MAGI3: variants seen among roughly 807,000 people sequenced by gnomAD.
MAGI3 encodes the protein membrane-associated guanylate kinase, WW and PDZ domain-containing protein 3.
A neutral mutation model predicts 121.8 loss-of-function variants in MAGI3; 43 were observed. The ratio of observed to expected loss-of-function variants is 0.35; its 90% CI spans 0.28 to 0.46. The LOEUF (loss-of-function observed/expected upper bound fraction) is 0.46, where lower values mean the gene tolerates loss of function less well. Ranked by LOEUF, MAGI3 falls within the 20% of genes least tolerant of loss-of-function variation. The pLI is 1.00. For missense variants in MAGI3, 1,547 were observed against 1,797.3 expected, an observed-to-expected ratio of 0.86 and a Z score of 2.52; for synonymous variants, 553 against 639.3, an observed-to-expected ratio of 0.86 and a Z score of 2.04.
chr1:113,460,200 G>T (rs1483531963), intron 1 of MAGI3, among the ~76,000 whole-genome samples: 2 of 152,112 alleles, frequency 1.3e-5, no homozygotes, highest in African/African-American at 4.8e-5. Flanking sequence ...ATGCAGAAAA[G>T]ACTTTTAATA....
At chr1:113,646,340 C>A in intron 11 of MAGI3, 146 bp from the exon 12 acceptor site, 1 of 577,524 alleles carries the variant, frequency 1.7e-6, no homozygotes, top group Non-Finnish European at 2.9e-6. Context: ...AAAATGAATT[C>A]CTGTAACTGT....
Position 113,449,700 on chromosome 1 carries a change from A to G in MAGI3, c.316+58351A>G, listed in dbSNP as rs61734693. 6.8e-3 allele frequency: 5,723 copies of G among 845,374 alleles called. 42 individuals are homozygous for G. The highest frequency in any genetic ancestry group is 7.4e-3 in the Non-Finnish European group (3,614 of 490,544). 52.4% of individuals were successfully genotyped at this position (845,374 alleles called of 1,614,324 possible). A position where few individuals can be genotyped will look rare whatever the true frequency, so the allele number is the denominator to read the frequency against. ...TGGAAGAGGCGAGTCTGGTCTCAAAATGGAGGGCCATGATCCAAAGGAACC... is the reference window on the plus strand; with the variant it reads ...TGGAAGAGGCGAGTCTGGTCTCAAAGTGGAGGGCCATGATCCAAAGGAACC... On this transcript the variant is annotated intron_variant, in intron 1 of 20. Coordinates refer to ENST00000307546, the MANE Select transcript of MAGI3 (RefSeq NM_001142782.2).
chr1:113,434,713 A>C (rs1239239887), intron 1 of MAGI3, among the ~76,000 whole-genome samples: 1 of 152,204 alleles, frequency 6.6e-6, no homozygotes, highest in Non-Finnish European at 1.5e-5. Context: ...GACAAGGATC[A>C]GTTTCTTATT....
chr1:113,463,441 T>C (rs538544431), intron 1 of MAGI3, among the ~76,000 whole-genome samples: 27 of 151,706 alleles, frequency 1.8e-4, no homozygotes, highest in Middle Eastern at 6.8e-3. Flanking sequence ...ACTTGGAGAA[T>C]AGTGTTTTAG....
chr1:113,506,421 T>G (rs949890693), intron 1 of MAGI3, among the ~76,000 whole-genome samples: 2 of 152,050 alleles, frequency 1.3e-5, no homozygotes, highest in Admixed American at 1.3e-4. Flanking sequence ...ATCCCTTTTT[T>G]TTTTTTTGCT....
chr1:113,448,842 G>A (rs1315468075), intron 1 of MAGI3, among the ~76,000 whole-genome samples: 3 of 152,066 alleles, frequency 2.0e-5, no homozygotes, highest in Non-Finnish European at 4.4e-5. Context: ...AAAAGAGGCC[G>A]GGCACAGTGG....
At chr1:113,481,980 A>G (rs539209874) in intron 1 of MAGI3, among the ~76,000 whole-genome samples, 11 of 151,848 alleles carry the variant, frequency 7.2e-5, no homozygotes, top group Admixed American at 7.2e-4. Flanking sequence ...CATCTCTTTC[A>G]ATATGATTGT....
chr1:113,446,057 T>G (rs1215158666), intron 1 of MAGI3, among the ~76,000 whole-genome samples: 1 of 152,238 alleles, frequency 6.6e-6, no homozygotes, highest in Non-Finnish European at 1.5e-5. Flanking sequence ...CTTCATGATT[T>G]AAGAGTAATA....
chr1:113,549,487 C>CTT, intron 1 of MAGI3, 28 bp from the exon 2 acceptor site: 4 of 1,156,848 alleles, frequency 3.5e-6, no homozygotes, highest in Non-Finnish European at 5.0e-6. Context: ...CATTTATTTT[C>CTT]TGTTTTTTTT....
intron 2 of MAGI3, among the ~76,000 whole-genome samples, chr1:113,570,521 G>T (rs553308051): frequency 8.5e-5 from 13 of 152,188 alleles, no homozygotes; most frequent in Admixed American, 8.5e-4. Context: ...GTGTAAAAAC[G>T]TTCCTATTTC....
rs1015544002 is a variant in MAGI3 at position 113,475,033 on chromosome 1, CTGTT to C, written c.317-74478_317-74475del. Reference sequence around the variant, plus strand: ...ATGGGAGTTCACTCATGATTTGGCTCTGTTTGTCTGTTAATGATGTATAGGAATG... The same window carrying C: ...ATGGGAGTTCACTCATGATTTGGCTCTGTCTGTTAATGATGTATAGGAATG... On this transcript the variant is annotated intron_variant, in intron 1 of 20. Coordinates refer to ENST00000307546, the MANE Select transcript of MAGI3 (RefSeq NM_001142782.2). Among the ~76,000 whole-genome samples the C allele has an allele frequency of 5.9e-5, 9 of 152,222 alleles. No individual in the cohort carries two copies. In the South Asian group the frequency reaches 1.9e-3, roughly 32 times the overall value.
At chr1:113,651,802 TG>T (rs1160707564) in intron 14 of MAGI3, among the ~76,000 whole-genome samples, 2 of 152,188 alleles carry the variant, frequency 1.3e-5, no homozygotes, top group African/African-American at 2.4e-5. Flanking sequence ...AAATTTGTTT[TG>T]TTTTTTTTTA....
At position 113,646,546 on chromosome 1, in the gene MAGI3, C is replaced by G; in HGVS notation, c.2059C>G (p.Pro687Ala). ...LEAINEPIPQ[P>A]MPFPPSIIRS... ...GGCCATAAATGAGCCTATTCCTCAG[C>G]CTATGCCTTTTCCACCGAGCATTAT... is the stretch of plus-strand genomic sequence containing the variant. Residue 687 changes from proline (P) to alanine (A), a missense_variant, in exon 12 of 21, where the codon CCT (proline) becomes GCT (alanine). Transcript: ENST00000307546. 6.2e-7 allele frequency: 1 copy of G among 1,613,422 alleles called. No homozygotes were observed. The highest frequency in any genetic ancestry group is 2.2e-5 in the East Asian group (1 of 44,824).
At chr1:113,478,780 G>C (rs1283943045) in intron 1 of MAGI3, among the ~76,000 whole-genome samples, 1 of 152,212 alleles carries the variant, frequency 6.6e-6, no homozygotes, top group Non-Finnish European at 1.5e-5. Context: ...GCTCTCTTCA[G>C]AGCTGTCAGA....
chr1:113,425,914 T>C (rs1652985420), intron 1 of MAGI3, among the ~76,000 whole-genome samples: 1 of 152,144 alleles, frequency 6.6e-6, no homozygotes, highest in Non-Finnish European at 1.5e-5. Flanking sequence ...TCATTCATTT[T>C]GCTTTTATCT....
intron 1 of MAGI3, among the ~76,000 whole-genome samples, chr1:113,512,122 T>G (rs2101612798): frequency 6.6e-6 from 1 of 152,314 alleles, no homozygotes; most frequent in South Asian, 2.1e-4. Flanking sequence ...TAATTATTCT[T>G]AGGGCAAGAC....
chr1:113,599,583 C>T (rs1649239373), intron 6 of MAGI3, among the ~76,000 whole-genome samples: 1 of 151,720 alleles, frequency 6.6e-6, no homozygotes, highest in Non-Finnish European at 1.5e-5. Context: ...TAATCAATAG[C>T]TTACCAACCA....
At chr1:113,485,442 C>A (rs1656338426) in intron 1 of MAGI3, among the ~76,000 whole-genome samples, 1 of 152,130 alleles carries the variant, frequency 6.6e-6, no homozygotes, top group South Asian at 2.1e-4. Flanking sequence ...TGCTTGTTGG[C>A]CGTTTGTATA....
intron 1 of MAGI3, among the ~76,000 whole-genome samples, chr1:113,437,877 TCTCCTTCTC>T (rs1653689546): frequency 1.1e-3 from 4 of 3,514 alleles, no homozygotes; most frequent in Non-Finnish European, 1.6e-3. Context: ...TTCTTCTTCT[TCTCCTTCTC>T]CTTCTCCTTC....
Sources: allele counts gnomAD v4.1 joint callset (sites outside exome capture counted in the v4.1 genomes callset), GRCh38; gene constraint gnomAD v4.1.1; transcripts MANE v1.5; gene names NCBI Gene and HGNC (gene_info 2026-07-23, HGNC 2026-07-21).